HIVEP2: variants seen among roughly 807,000 people sequenced by gnomAD.
The protein encoded by HIVEP2 is HIVEP zinc finger 2, also known as transcription factor HIVEP2.
A neutral mutation model predicts 180.7 loss-of-function variants in HIVEP2; 14 were observed. The ratio of observed to expected loss-of-function variants is 0.08; its 90% CI spans 0.05 to 0.12. HIVEP2 has a LOEUF of 0.12. HIVEP2 is among the 10% of genes least tolerant of loss of function. The pLI is 1.00. For missense variants in HIVEP2, 2,579 were observed against 3,008.5 expected (o/e 0.86, Z 3.34); for synonymous variants, 1,184 against 1,136.4 (o/e 1.04, Z -0.84).
rs549928724 is a variant in HIVEP2 at position 142,789,354 on chromosome 6, C to CATGTTTTCT, written c.-527-5748_-527-5740dup. Among the ~76,000 whole-genome samples, 27 of 152,296 alleles carry CATGTTTTCT rather than the reference C, an allele frequency of 1.8e-4. No individual in the cohort carries two copies. In the South Asian group the frequency reaches 5.0e-3, roughly 28 times the overall value. ...CAACATGTGTCCTTAAAACACACGT[C>CATGTTTTCT]ATGTTTTCTAAGATAAGAGCTATAA... is the stretch of plus-strand genomic sequence containing the variant. On this transcript the variant is annotated intron_variant, in intron 2 of 9. Coordinates refer to ENST00000367603, the MANE Select transcript of HIVEP2 (RefSeq NM_006734.4).
intron 1 of HIVEP2, among the ~76,000 whole-genome samples, chr6:142,917,656 A>G (rs558165517): frequency 6.6e-6 from 1 of 152,350 alleles, no homozygotes; most frequent in East Asian, 1.9e-4. Flanking sequence ...AGTCCAAAGT[A>G]AAGACAGCAA....
Position 142,774,426 on chromosome 6 carries a change from A to G in HIVEP2, c.313T>C (p.Leu105=). ...GTGCTGTGCATGACCCCCTGTGGCA[A>G]TGAGTGCTGAGGGAAAGAGAGTGAG... is the stretch of plus-strand genomic sequence containing the variant. The part of the protein sequence containing the change: ...QHSLSFPQHS[L]PQGVMHSTKP... The change falls in exon 5 of 10, where the codon TTG becomes CTG. Residue 105 remains leucine (L), a synonymous_variant. Transcript: ENST00000367603. This position sits in a 1 kb window ranked among gnomAD's most constrained non-coding sequence, Gnocchi z 5.1. The G allele has an allele frequency of 6.2e-7, 1 of 1,614,192 alleles. No individual in the cohort carries two copies. Among genetic ancestry groups the G allele is most frequent in the Non-Finnish European group, 8.5e-7 (1 of 1,180,032 alleles).
At chr6:142,912,190 A>G (rs756318437) in intron 1 of HIVEP2, among the ~76,000 whole-genome samples, 25 of 152,206 alleles carry the variant, frequency 1.6e-4, no homozygotes, top group Non-Finnish European at 3.4e-4. Flanking sequence ...AGTACCCCAA[A>G]GCCACTTGTG....
Position 142,910,845 on chromosome 6 carries a change from C to A in HIVEP2, c.-641+34254G>T, listed in dbSNP as rs758295485. Reference sequence around the variant, plus strand: ...GCCTCACCTCAGACCTAGTGAATCACATGCGTAGAGCATGGGGGCCTGAAT... The same window carrying A: ...GCCTCACCTCAGACCTAGTGAATCAAATGCGTAGAGCATGGGGGCCTGAAT... On this transcript the variant is annotated intron_variant, in intron 1 of 9. Transcript: ENST00000367603. Among the ~76,000 whole-genome samples the A allele has an allele frequency of 2.0e-5, 3 of 152,200 alleles. No homozygotes were observed. In the South Asian group the frequency reaches 6.2e-4, roughly 32 times the overall value.
In HIVEP2 at chr6:142,752,391, G is replaced by T. The variant is rs1774944366; in HGVS notation, c.*716C>A. On this transcript the variant is annotated 3_prime_UTR_variant, in exon 10 of 10. Coordinates refer to ENST00000367603, the MANE Select transcript of HIVEP2 (RefSeq NM_006734.4). ...AATCACAATCAGCACTTAAGTTATA[G>T]TCAATCCAGCAAACAAGAGACAAAA... is the stretch of plus-strand genomic sequence containing the variant. The T allele has an allele frequency of 6.6e-6, 1 of 152,574 alleles. No homozygotes were observed. Among genetic ancestry groups the T allele is most frequent in the African/African-American group, 2.4e-5 (1 of 41,426 alleles). The allele number at this position is 152,574 out of a possible 1,614,324, so 9.5% of individuals were successfully genotyped here.
At chr6:142,877,773 T>C (rs1359239936) in intron 1 of HIVEP2, among the ~76,000 whole-genome samples, 1 of 152,122 alleles carries the variant, frequency 6.6e-6, no homozygotes, top group Non-Finnish European at 1.5e-5. Flanking sequence ...TATGCTATTG[T>C]CCCCAAAAGA....
chr6:142,764,645 A>T (rs1775335248), intron 7 of HIVEP2, among the ~76,000 whole-genome samples, 154 bp downstream of exon 7: 1 of 152,230 alleles, frequency 6.6e-6, no homozygotes, highest in South Asian at 2.1e-4. Flanking sequence ...ACATCCTTTG[A>T]TCACTTACTT....
chr6:142,898,432 C>A (rs541283793), intron 1 of HIVEP2, among the ~76,000 whole-genome samples: 3 of 152,072 alleles, frequency 2.0e-5, no homozygotes, highest in South Asian at 2.1e-4. Flanking sequence ...GAGGCCGAGG[C>A]GGGCAAATCA....
chr6:142,859,414 T>G (rs1356747726), intron 1 of HIVEP2, among the ~76,000 whole-genome samples: 4 of 148,214 alleles, frequency 2.7e-5, no homozygotes, highest in Non-Finnish European at 4.4e-5. Flanking sequence ...TGAGCTATGA[T>G]CCTGCCATTG....
Position 142,773,531 on chromosome 6 carries a change from C to A in HIVEP2, c.1208G>T (p.Arg403Leu). The A allele has an allele frequency of 5.0e-6, 8 of 1,614,178 alleles. No individual in the cohort carries two copies. The highest frequency in any genetic ancestry group is 6.8e-6 in the Non-Finnish European group (8 of 1,180,036). Residue 403 changes from arginine to leucine, a missense_variant, in exon 5 of 10, where the codon CGC (arginine) becomes CTC (leucine). Arg to Leu is a moderately radical substitution (Grantham distance 102). Around this residue, in one of 11 missense-constraint regions of HIVEP2, gnomAD observed 47 missense variants for 92.5 expected, o/e 0.51. Transcript: ENST00000367603. The part of the protein sequence containing the change: ...KGSTDSGYFS[R>L]SESAEQQISP... ...TATTTGCTGCTCAGCACTTTCTGAGCGAGAAAAGTAACCAGAATCAGTGCT... is the reference window on the plus strand; with the variant it reads ...TATTTGCTGCTCAGCACTTTCTGAGAGAGAAAAGTAACCAGAATCAGTGCT...
intron 1 of HIVEP2, among the ~76,000 whole-genome samples, chr6:142,901,077 AT>A (rs1562284649): frequency 6.6e-6 from 1 of 152,210 alleles, no homozygotes; most frequent in South Asian, 2.1e-4. Context: ...CTCTATTTAT[AT>A]TTTTTTACTC....
At chr6:142,938,548 G>C (rs1778106712) in intron 1 of HIVEP2, among the ~76,000 whole-genome samples, 1 of 152,208 alleles carries the variant, frequency 6.6e-6, no homozygotes, top group Non-Finnish European at 1.5e-5. Context: ...AATTCACGCT[G>C]TATTTAAGTA....
intron 1 of HIVEP2, among the ~76,000 whole-genome samples, chr6:142,896,499 G>A (rs971002289): frequency 1.1e-4 from 16 of 152,086 alleles, no homozygotes; most frequent in Admixed American, 2.6e-4. Flanking sequence ...TACTTCTGTG[G>A]AGCCCTCTGA....
At chr6:142,756,319 G>A (rs1045098541) in intron 9 of HIVEP2, among the ~76,000 whole-genome samples, 2 of 152,158 alleles carry the variant, frequency 1.3e-5, no homozygotes, top group African/African-American at 4.8e-5. Flanking sequence ...CTCAGTCACT[G>A]GCTGGGGCTG....
At chr6:142,865,063 G>A (rs1273457990) in intron 1 of HIVEP2, among the ~76,000 whole-genome samples, 1 of 152,172 alleles carries the variant, frequency 6.6e-6, no homozygotes, top group African/African-American at 2.4e-5. Context: ...ACTTGGCCAT[G>A]TGAATTTTGT....
In HIVEP2 at chr6:142,773,900, T is replaced by G; in HGVS notation, c.839A>C (p.Asp280Ala). The change falls in exon 5 of 10, where the codon GAC becomes GCC. Residue 280 changes from aspartate (D) to alanine (A), a missense_variant. Around this residue, in one of 11 missense-constraint regions of HIVEP2, gnomAD observed 142 missense variants for 135.2 expected, o/e 1.05. Transcript: ENST00000367603. The part of the protein sequence containing the change: ...EIHSDGEQST[D>A]TDEESSLFAE... The stretch of plus-strand genomic sequence containing the variant: ...AAATAAAGAACTCTCCTCATCTGTG[T>G]CTGTACTCTGTTCACCATCTGAATG... The G allele has an allele frequency of 1.9e-6, 3 of 1,613,922 alleles. No homozygotes were observed. The highest frequency in any genetic ancestry group is 1.7e-6 in the Non-Finnish European group (2 of 1,180,036).
At chr6:142,807,038 G>C (rs1190407600) in intron 2 of HIVEP2, among the ~76,000 whole-genome samples, 1 of 152,190 alleles carries the variant, frequency 6.6e-6, no homozygotes, top group Non-Finnish European at 1.5e-5. Flanking sequence ...CTCAACAGGG[G>C]ATAAGTGATG....
intron 1 of HIVEP2, among the ~76,000 whole-genome samples, chr6:142,842,068 C>A (rs183674345): frequency 1.3e-5 from 2 of 152,264 alleles, no homozygotes; most frequent in African/African-American, 4.8e-5. Flanking sequence ...AATAATATCT[C>A]ATGTAACCAT....
At position 142,760,718 on chromosome 6, in the gene HIVEP2, T is replaced by C. The variant is rs115133465; in HGVS notation, c.5621-51A>G. On this transcript the variant is annotated intron_variant, in intron 8 of 9. Transcript: ENST00000367603. ...GAGATCAAGATCCAAATATCAAGGT[T>C]AGGATCTTATTTAAGCCTCATTTCT... 1.1e-3 allele frequency: 1,406 copies of C among 1,332,244 alleles called. 17 individuals carry two copies. In the African/African-American group the frequency reaches 0.019, roughly 18 times the overall value. The allele number at this position is 1,332,244 out of a possible 1,614,324, so 82.5% of individuals were successfully genotyped here. A position where few individuals can be genotyped will look rare whatever the true frequency, so the allele number is the denominator to read the frequency against.
Sources: gnomAD v4.1 joint callset for allele counts (sites outside exome capture counted in the v4.1 genomes callset) on GRCh38, gnomAD v4.1.1 for gene constraint, gnomAD v4.1.1 regional missense constraint, Gnocchi (gnomAD v3.1) non-coding constraint, MANE v1.5 for transcripts, NCBI Gene and HGNC (gene_info 2026-07-23, HGNC 2026-07-21) for gene names.